TMEM259: variants seen among roughly 807,000 people sequenced by gnomAD.
The protein encoded by TMEM259 is membralin.
TMEM259 carries 26 observed loss-of-function variants against 46.7 expected under a neutral mutation model. The ratio of observed to expected loss-of-function variants is 0.56; its 90% CI spans 0.41 to 0.77. The LOEUF (loss-of-function observed/expected upper bound fraction) is 0.77. Ranked by LOEUF, TMEM259 falls within the 30% of genes least tolerant of loss-of-function variation. TMEM259 has a pLI of 0.00. For missense variants in TMEM259, 930 were observed against 900.5 expected, an observed-to-expected ratio of 1.03 and a Z score of -0.42; for synonymous variants, 494 against 395.1, an observed-to-expected ratio of 1.25 and a Z score of -2.97.
intron 6 of TMEM259, 27 bp downstream of exon 6, chr19:1,011,865 C>T: frequency 6.3e-7 from 1 of 1,598,288 alleles, no homozygotes; most frequent in Non-Finnish European, 8.5e-7. Flanking sequence ...GCCCGGCCAG[C>T]CCCCGCACCC....
intron 3 of TMEM259, among the ~76,000 whole-genome samples, chr19:1,012,797 C>A (rs898343692): frequency 2.0e-5 from 3 of 152,322 alleles, no homozygotes; most frequent in South Asian, 2.1e-4. Flanking sequence ...CCTCCCGTGG[C>A]CCCCTCTCCC....
intron 1 of TMEM259, among the ~76,000 whole-genome samples, chr19:1,018,066 A>G (rs1305064254): frequency 1.3e-5 from 2 of 152,104 alleles, no homozygotes; most frequent in Non-Finnish European, 2.9e-5. Context: ...GCCCATGTCC[A>G]GGGGTGCTGA....
At chr19:1,019,553 G>A (rs991968112) in intron 1 of TMEM259, among the ~76,000 whole-genome samples, 5 of 152,192 alleles carry the variant, frequency 3.3e-5, no homozygotes, top group African/African-American at 1.2e-4. Context: ...GGGGAGGCAC[G>A]GATCTGGAGG....
chr19:1,013,885 A>C (rs1057277986), intron 2 of TMEM259, among the ~76,000 whole-genome samples: 15 of 151,946 alleles, frequency 9.9e-5, no homozygotes, highest in Admixed American at 9.2e-4. Context: ...TGCCCACTGC[A>C]TCCCCAGCCC....
chr19:1,012,209 G>A, intron 4 of TMEM259, 21 bp from the exon 5 acceptor site: 5 of 1,585,116 alleles, frequency 3.2e-6, no homozygotes, highest in Non-Finnish European at 4.3e-6. Flanking sequence ...GTGAATCAGG[G>A]AGCCGGGAGC....
chr19:1,016,774 G>T (rs1196736846), intron 1 of TMEM259, among the ~76,000 whole-genome samples: 1 of 152,198 alleles, frequency 6.6e-6, no homozygotes, highest in Non-Finnish European at 1.5e-5. Context: ...CCTGGGCAGG[G>T]TCAGCTTGGT....
intron 2 of TMEM259, 83 bp downstream of exon 2, chr19:1,014,109 G>C: frequency 6.7e-7 from 1 of 1,493,858 alleles, no homozygotes; most frequent in Admixed American, 1.9e-5. Context: ...CCAACATCCT[G>C]TCGATGTCAG....
chr19:1,009,707 T>A lies in TMEM259; in HGVS notation c.*643A>T. The A allele has an allele frequency of 7.2e-6, 7 of 970,596 alleles. No individual in the cohort carries two copies. Among genetic ancestry groups the A allele is most frequent in the Non-Finnish European group, 9.7e-6 (7 of 719,558 alleles). 60.1% of individuals were successfully genotyped at this position (970,596 alleles called of 1,614,324 possible). Reference sequence around the variant, plus strand: ...CAAACACAATTTTGTACACTGCAATTAAATAGAATGGAATGAGCGCTCCTC... The same window carrying A: ...CAAACACAATTTTGTACACTGCAATAAAATAGAATGGAATGAGCGCTCCTC... On this transcript the variant is annotated 3_prime_UTR_variant, in exon 11 of 11. Coordinates refer to ENST00000356663, the MANE Select transcript of TMEM259 (RefSeq NM_001033026.2).
At chr19:1,012,317 GA>G (rs1351669957) in intron 4 of TMEM259, 129 bp from the exon 5 acceptor site, 1 of 1,500,470 alleles carries the variant, frequency 6.7e-7, no homozygotes, top group Non-Finnish European at 8.9e-7. Context: ...ACCCATCCAG[GA>G]CCCCAGCCCT....
rs1011159058 is a variant in TMEM259, at chr19:1,010,519, C to T, written c.1694G>A (p.Arg565His). 12 of 1,547,662 alleles carry T rather than the reference C, an allele frequency of 7.8e-6. No homozygotes were observed. The Admixed American group carries it at 7.8e-5, about 10-fold the overall frequency. ...SGLSASLLER[R>H]PASPLGPAGG... ...AGCAGGGCCCAGCGGGCTGGCTGGA[C>T]GCCGCTCCAGGAGGGAGGCGCTCAG... is the stretch of plus-strand genomic sequence containing the variant. The change falls in exon 11 of 11, where the codon CGT becomes CAT. Residue 565 changes from arginine to histidine, a missense_variant. Arg to His is a conservative substitution (Grantham distance 29). Transcript: ENST00000356663.
chr19:1,016,472 C>T (rs912170550), intron 1 of TMEM259, among the ~76,000 whole-genome samples: 1 of 152,246 alleles, frequency 6.6e-6, no homozygotes, highest in Non-Finnish European at 1.5e-5. Flanking sequence ...CTGGTGGCCA[C>T]GCTCTGCCTT....
In TMEM259 at chr19:1,010,340, G is replaced by A; in HGVS notation, c.*10C>T. 2 of 1,471,516 alleles carry A rather than the reference G, an allele frequency of 1.4e-6. No individual in the cohort carries two copies. The highest frequency in any genetic ancestry group is 2.7e-5 in the South Asian group (2 of 73,556). 91.2% of individuals were successfully genotyped at this position (1,471,516 alleles called of 1,614,324 possible). On this transcript the variant is annotated 3_prime_UTR_variant, in exon 11 of 11. Transcript: ENST00000356663. ...GCCAGCAGGGGTCAGAGGCGGCTCA[G>A]CTGTGCGGCTCAGGACCCCACCTCC...
In TMEM259 at chr19:1,011,434, CGAT is replaced by C; in HGVS notation, c.1147_1149del (p.Ile383del). 6.4e-7 allele frequency: 1 copy of C among 1,570,300 alleles called. No homozygotes were observed. Among genetic ancestry groups the C allele is most frequent in the Non-Finnish European group, 8.6e-7 (1 of 1,158,478 alleles). On this transcript the variant is annotated inframe_deletion, in exon 9 of 11. Transcript: ENST00000356663. ...GCGTCATACTGGTCCGCGAGCCACA[CGAT>C]GAGGATGATGTAGAAGGCGGTGGTG... is the stretch of plus-strand genomic sequence containing the variant.
At chr19:1,018,047 C>T (rs960190113) in intron 1 of TMEM259, among the ~76,000 whole-genome samples, 7 of 152,142 alleles carry the variant, frequency 4.6e-5, no homozygotes, top group East Asian at 1.9e-4. Flanking sequence ...TGGCTAGGCG[C>T]GGGCCCCTGC....
Position 1,010,499 on chromosome 19 carries a change from G to C in TMEM259, c.1714C>G (p.Pro572Ala). Residue 572 changes from proline to alanine, a missense_variant, in exon 11 of 11, where the codon CCT (proline) becomes GCT (alanine). Transcript: ENST00000356663. The stretch of plus-strand genomic sequence containing the variant: ...GGGGCGTGGGGGAGGCCCCCAGCAG[G>C]GCCCAGCGGGCTGGCTGGACGCCGC... ...LERRPASPLG[P>A]AGGLPHAPQD... is the part of the protein sequence containing the mutation. 1 of 1,546,974 alleles carries C rather than the reference G, an allele frequency of 6.5e-7. No homozygotes were observed. Among genetic ancestry groups the C allele is most frequent in the Non-Finnish European group, 8.7e-7 (1 of 1,146,088 alleles).
rs1599494803 is a variant in TMEM259 at position 1,020,686 on chromosome 19, G to A, written c.225+86C>T. On this transcript the variant is annotated intron_variant, in intron 1 of 10. Transcript: ENST00000356663. This position sits in a 1 kb window ranked among gnomAD's most constrained non-coding sequence, Gnocchi z 4.0. ...AGGGTGGCGCTCGCTGTCCCCAGCG[G>A]GGCCAGGGGTCGCGGTCGGAGGTAG... The A allele has an allele frequency of 9.8e-7, 1 of 1,019,664 alleles. No individual in the cohort carries two copies. Among genetic ancestry groups the A allele is most frequent in the Non-Finnish European group, 1.3e-6 (1 of 781,680 alleles). 63.2% of individuals were successfully genotyped at this position (1,019,664 alleles called of 1,614,324 possible).
At chr19:1,016,574 A>G (rs1163618332) in intron 1 of TMEM259, among the ~76,000 whole-genome samples, 1 of 152,246 alleles carries the variant, frequency 6.6e-6, no homozygotes, top group Admixed American at 6.5e-5. Flanking sequence ...CAGTGGGCCG[A>G]GGTCGGGGCT....
At chr19:1,014,842 C>A (rs1479719703) in intron 1 of TMEM259, among the ~76,000 whole-genome samples, 1 of 152,196 alleles carries the variant, frequency 6.6e-6, no homozygotes, top group African/African-American at 2.4e-5. Context: ...CAGATGCACA[C>A]AGGACCCCCC....
At chr19:1,016,091 G>A (rs1415535442) in intron 1 of TMEM259, among the ~76,000 whole-genome samples, 2 of 149,812 alleles carry the variant, frequency 1.3e-5, no homozygotes, top group African/African-American at 4.9e-5. Context: ...GAGCCGCAGG[G>A]GATGAAGGCT....
Sources: allele counts gnomAD v4.1 joint callset (sites outside exome capture counted in the v4.1 genomes callset), GRCh38; gene constraint gnomAD v4.1.1; non-coding constraint Gnocchi (gnomAD v3.1); transcripts MANE v1.5; gene names NCBI Gene and HGNC (gene_info 2026-07-23, HGNC 2026-07-21).